PRKX: variants seen among roughly 807,000 people sequenced by gnomAD.
PRKX encodes the protein cAMP-dependent protein kinase catalytic subunit PRKX.
In PRKX, 12 loss-of-function variants were observed where a neutral mutation model predicts 22.0. That is an observed-to-expected ratio of 0.54 (90% CI 0.35 to 0.88). The LOEUF is 0.88. Ranked by LOEUF, PRKX falls within the 40% of genes least tolerant of loss-of-function variation. PRKX has a pLI of 0.01. For synonymous variants in PRKX, 134 were observed against 137.7 expected, an observed-to-expected ratio of 0.97 and a Z score of 0.19; for missense variants, 217 against 308.0, an observed-to-expected ratio of 0.70 and a Z score of 2.21.
chrX:3,699,497 C>T (rs982537740), intron 1 of PRKX, among the ~76,000 whole-genome samples: 2 of 109,366 alleles, frequency 1.8e-5, no homozygotes, highest in Non-Finnish European at 3.8e-5. Context: ...GGATTACAAG[C>T]ACCTGCCACC....
In PRKX at chrX:3,674,650, G is replaced by A; in HGVS notation, c.283C>T (p.His95Tyr). Residue 95 changes from histidine to tyrosine, a missense_variant, in exon 2 of 9, where the codon CAC becomes TAC. By Grantham distance (83) the His-to-Tyr change is moderately conservative. Coordinates refer to ENST00000262848, the MANE Select transcript of PRKX (RefSeq NM_005044.5). The part of the protein sequence containing the change: ...VIRLKQEQHV[H>Y]NEKSVLKEVS... ...TCCTTCAGGACAGACTTCTCATTGT[G>A]TACGTGTTGCTCCTGCTTTAGGCGG... 2 of 1,211,918 alleles carry A rather than the reference G, an allele frequency of 1.7e-6. No individual in the cohort carries two copies. Among genetic ancestry groups the A allele is most frequent in the Non-Finnish European group, 2.2e-6 (2 of 895,530 alleles).
At position 3,713,070 on chromosome X, in the gene PRKX, C is replaced by T. The variant is rs1440502286; in HGVS notation, c.166+18G>A. On this transcript the variant is annotated intron_variant, in intron 1 of 8. Transcript: ENST00000262848. ...CCGCGCGCCCCTGTGGGCCGAGTCCCCGCCCGCACTCACTCACCCACGGTG... is the reference window on the plus strand; with the variant it reads ...CCGCGCGCCCCTGTGGGCCGAGTCCTCGCCCGCACTCACTCACCCACGGTG... The T allele has an allele frequency of 3.5e-6, 4 of 1,155,924 alleles. No individual in the cohort carries two copies. In the Admixed American group the frequency reaches 1.0e-4, roughly 30 times the overall value.
chrX:3,623,088 AG>A (rs112294363), intron 5 of PRKX, among the ~76,000 whole-genome samples: 13,550 of 97,004 alleles, frequency 0.14, 740 homozygotes, highest in African/African-American at 0.21. Flanking sequence ...TGTAAATTAT[AG>A]GGGGGAAAAA....
intron 2 of PRKX, among the ~76,000 whole-genome samples, chrX:3,665,172 G>C (rs1242202686): frequency 3.6e-5 from 4 of 111,938 alleles, no homozygotes; most frequent in Admixed American, 9.4e-5. Context: ...GTGTGTGCGT[G>C]CTTGTGTGTG....
intron 7 of PRKX, among the ~76,000 whole-genome samples, chrX:3,614,031 T>G (rs186406629): frequency 3.9e-4 from 43 of 110,636 alleles, no homozygotes; most frequent in African/African-American, 1.0e-3. Context: ...ACATATGCAG[T>G]TCAGAGTGTT....
At chrX:3,689,489 G>A (rs1398684619) in intron 1 of PRKX, among the ~76,000 whole-genome samples, 3 of 111,943 alleles carry the variant, frequency 2.7e-5, no homozygotes, top group Non-Finnish European at 3.8e-5. Context: ...ACCAGCCTGG[G>A]TAACATAACG....
chrX:3,644,337 C>T (rs1927145432), intron 3 of PRKX, among the ~76,000 whole-genome samples: 1 of 89,348 alleles, frequency 1.1e-5, no homozygotes, highest in Non-Finnish European at 2.1e-5. Context: ...AGGAGGTCAA[C>T]ACTGCAGGGA....
chrX:3,656,178 A>G (rs1415164955), intron 2 of PRKX, among the ~76,000 whole-genome samples: 1 of 111,957 alleles, frequency 8.9e-6, no homozygotes, highest in Admixed American at 9.5e-5. Flanking sequence ...GATGATATCT[A>G]TACGTATAGA....
At chrX:3,644,400 CAAA>C (rs752467196) in intron 3 of PRKX, among the ~76,000 whole-genome samples, 1 of 37,110 alleles carries the variant, frequency 2.7e-5, no homozygotes, top group Non-Finnish European at 4.4e-5. Context: ...GACACTGTCT[CAAA>C]AAAAAAAAAA....
At chrX:3,628,217 AAAG>A (rs1428759100) in intron 4 of PRKX, among the ~76,000 whole-genome samples, 3 of 111,251 alleles carry the variant, frequency 2.7e-5, no homozygotes, top group African/African-American at 6.5e-5. Flanking sequence ...CTGAAAGGAT[AAAG>A]AAGAACAGAG....
intron 3 of PRKX, among the ~76,000 whole-genome samples, chrX:3,652,578 C>T (rs1482371896): frequency 9.0e-6 from 1 of 110,561 alleles, no homozygotes; most frequent in African/African-American, 3.3e-5. Context: ...AGCGAGACTT[C>T]GTCCCAAAAA....
intron 1 of PRKX, among the ~76,000 whole-genome samples, chrX:3,708,405 G>A (rs1928723852): frequency 9.0e-6 from 1 of 111,451 alleles, no homozygotes; most frequent in Non-Finnish European, 1.9e-5. Context: ...GCAACAAGGA[G>A]AGGAAAGGAA....
intron 1 of PRKX, among the ~76,000 whole-genome samples, chrX:3,707,028 G>C (rs7063946): frequency 0.019 from 2,077 of 111,778 alleles, 50 homozygotes; most frequent in African/African-American, 0.063. Flanking sequence ...TTGGGAGACT[G>C]AGGTGGGAAG....
intron 1 of PRKX, among the ~76,000 whole-genome samples, chrX:3,706,895 C>T (rs1928696520): frequency 9.0e-6 from 1 of 111,690 alleles, no homozygotes. Flanking sequence ...GAGGCTGAGG[C>T]GGGAGGATCA....
intron 4 of PRKX, among the ~76,000 whole-genome samples, chrX:3,640,856 C>G (rs1298369102): frequency 9.0e-6 from 1 of 111,594 alleles, no homozygotes; most frequent in Non-Finnish European, 1.9e-5. Context: ...GACAAGTGAC[C>G]TCTGATCGTC....
intron 1 of PRKX, among the ~76,000 whole-genome samples, chrX:3,694,217 T>C (rs754895873): frequency 9.4e-6 from 1 of 106,514 alleles, no homozygotes; most frequent in Admixed American, 1.0e-4. Flanking sequence ...TGAAATCCCG[T>C]CTCCACTAAA....
chrX:3,702,721 T>C (rs1388514612), intron 1 of PRKX, among the ~76,000 whole-genome samples: 1 of 94,332 alleles, frequency 1.1e-5, no homozygotes, highest in Non-Finnish European at 2.1e-5. Context: ...TGAGGCAGGG[T>C]CTCACTCTGT....
rs771079451 is a variant in PRKX, at chrX:3,689,766, A to G, written c.167-15000T>C. Among the ~76,000 whole-genome samples, 704 of 112,044 alleles carry G rather than the reference A, an allele frequency of 6.3e-3. 2 individuals carry two copies. Among genetic ancestry groups the G allele is most frequent in the Middle Eastern group, 0.019 (4 of 214 alleles). ...GCCAAGGCGGGCGGATCACAAGGTC[A>G]GGAGATCGAGACCATCCTGGCTAAC... On this transcript the variant is annotated intron_variant, in intron 1 of 8. Coordinates refer to ENST00000262848, the MANE Select transcript of PRKX (RefSeq NM_005044.5).
At chrX:3,679,364 G>C (rs144124688) in intron 1 of PRKX, among the ~76,000 whole-genome samples, 78 of 112,785 alleles carry the variant, frequency 6.9e-4, no homozygotes, top group East Asian at 4.2e-3. Context: ...GCAGCCTCCA[G>C]CTGCATCCAC....
Sources: allele counts gnomAD v4.1 joint callset (sites outside exome capture counted in the v4.1 genomes callset), GRCh38; gene constraint gnomAD v4.1.1; transcripts MANE v1.5; gene names NCBI Gene and HGNC (gene_info 2026-07-23, HGNC 2026-07-21).